Variants in NLRP11 observed in about 807,000 individuals in gnomAD.
NLRP11 encodes the protein NLR family pyrin domain containing 11.
Under a neutral mutation model 79.3 loss-of-function variants are expected in NLRP11, and 53 were observed. The ratio of observed to expected loss-of-function variants is 0.67; its 90% CI spans 0.54 to 0.84. NLRP11 has a LOEUF of 0.84. Among genes scored for constraint, NLRP11 ranks in the 40% least tolerant of loss-of-function variants. The pLI is 0.00. For synonymous variants in NLRP11, 518 were observed against 462.6 expected (o/e 1.12, Z -1.54); for missense variants, 1,264 against 1,255.0 (o/e 1.01, Z -0.11).
rs116537615 is a variant in NLRP11, at chr19:55,815,834, C to G, written c.271+2070G>C. 3.6e-3 allele frequency among the ~76,000 whole-genome samples: 551 copies of G among 152,266 alleles called. 3 individuals are homozygous for G. Among genetic ancestry groups the G allele is most frequent in the African/African-American group, 0.013 (525 of 41,562 alleles). ...AACTAAGGCAATGAAATGAATTATT[C>G]ATCACATCAGGGACAGGGGTATGTG... On this transcript the variant is annotated intron_variant, in intron 2 of 9. Transcript: ENST00000589093.
chr19:55,787,280 C>T (rs1264453240), intron 9 of NLRP11, among the ~76,000 whole-genome samples: 1 of 152,240 alleles, frequency 6.6e-6, no homozygotes, highest in Non-Finnish European at 1.5e-5. Flanking sequence ...TTCTAACAAT[C>T]CTCACCTTGT....
At chr19:55,814,608 A>G (rs1453790832) in intron 2 of NLRP11, among the ~76,000 whole-genome samples, 1 of 152,212 alleles carries the variant, frequency 6.6e-6, no homozygotes, top group Non-Finnish European at 1.5e-5. Flanking sequence ...ATTCTGGAAG[A>G]AAACACTCAA....
intron 5 of NLRP11, among the ~76,000 whole-genome samples, chr19:55,800,887 A>G (rs942332777): frequency 6.6e-5 from 10 of 152,182 alleles, no homozygotes; most frequent in African/African-American, 2.4e-4. Context: ...TACTGTTAAA[A>G]TTAGTTTCAA....
intron 4 of NLRP11, among the ~76,000 whole-genome samples, chr19:55,803,462 G>C (rs905983010): frequency 1.3e-5 from 2 of 152,166 alleles, no homozygotes; most frequent in African/African-American, 4.8e-5. Flanking sequence ...AATGACAAAT[G>C]GGAAGTAATT....
At chr19:55,835,343 T>C (rs147934592), upstream of NLRP11, among the ~76,000 whole-genome samples, 563 of 152,354 alleles carry the variant, frequency 3.7e-3, 3 homozygotes, top group African/African-American at 0.013. Flanking sequence ...AATCTCGACC[T>C]TGCGTCTAAA....
rs73933396 is a variant in NLRP11, at chr19:55,800,729, A to C, written c.2171+843T>G. ...TTTTATGAAATCAATACGGAGGTCAAACATTTCTGATGAAAATGTGCCCGA... is the reference window on the plus strand; with the variant it reads ...TTTTATGAAATCAATACGGAGGTCACACATTTCTGATGAAAATGTGCCCGA... On this transcript the variant is annotated intron_variant, in intron 5 of 9. Coordinates refer to ENST00000589093, the Ensembl canonical transcript of NLRP11. 5.5e-3 allele frequency among the ~76,000 whole-genome samples: 836 copies of C among 152,350 alleles called. 5 individuals carry two copies. The highest frequency in any genetic ancestry group is 0.019 in the African/African-American group (805 of 41,580).
At chr19:55,797,186 C>A (rs1979002233) in intron 5 of NLRP11, among the ~76,000 whole-genome samples, 2 of 152,046 alleles carry the variant, frequency 1.3e-5, no homozygotes, top group Non-Finnish European at 2.9e-5. Context: ...ATAGTCCCAG[C>A]TACTTGGGAG....
chr19:55,809,158 T>C lies in NLRP11; in HGVS notation c.1452A>G (p.Gln484=), dbSNP rs759333340. The stretch of plus-strand genomic sequence containing the variant: ...TAAACACTTGATTAAAGTCAGAGTA[T>C]TGTTCTCTCTTCTCTTTATACTCTC... The change falls in exon 3 of 10, where the codon CAA becomes CAG. Residue 484 remains glutamine, a synonymous_variant. Transcript: ENST00000589093. This position sits in a 1 kb window ranked among gnomAD's most constrained non-coding sequence, Gnocchi z 4.5. 1.2e-5 allele frequency: 19 copies of C among 1,613,754 alleles called. 1 individual carries two copies. The highest frequency in any genetic ancestry group is 8.5e-7 in the Non-Finnish European group (1 of 1,179,862).
exon 2 of NLRP11, chr19:55,818,209 G>T: frequency 6.4e-7 from 1 of 1,568,092 alleles, no homozygotes; most frequent in South Asian, 1.2e-5. Context: ...TTCAGAGAAG[G>T]GATTTTGAGG....
chr19:55,793,180 G>A (rs529709102), intron 6 of NLRP11, among the ~76,000 whole-genome samples: 7 of 152,248 alleles, frequency 4.6e-5, no homozygotes, highest in East Asian at 3.9e-4. Flanking sequence ...ACACCCGGCC[G>A]AATCTCTATT....
At position 55,809,286 on chromosome 19, in the gene NLRP11, G is replaced by C. The variant is rs1443173707; in HGVS notation, c.1324C>G (p.His442Asp). Reference sequence around the variant, plus strand: ...TGTATGAACTTGTAACGGTCTTTATGAGTGTTGCTCGGCAAAAGAATATTC... The same window carrying C: ...TGTATGAACTTGTAACGGTCTTTATCAGTGTTGCTCGGCAAAAGAATATTC... Residue 442 changes from histidine to aspartate, a missense_variant, in exon 3 of 10, where the codon CAT becomes GAT. Transcript: ENST00000589093. The surrounding 1 kb of genome is among the most constrained non-coding windows in gnomAD (Gnocchi z 4.5). 1.9e-6 allele frequency: 3 copies of C among 1,614,004 alleles called. No individual in the cohort carries two copies. The highest frequency in any genetic ancestry group is 2.5e-6 in the Non-Finnish European group (3 of 1,179,924).
intron 1 of NLRP11, among the ~76,000 whole-genome samples, chr19:55,823,714 A>C (rs1290041831): frequency 6.6e-6 from 1 of 150,800 alleles, no homozygotes; most frequent in East Asian, 2.0e-4. Context: ...GTTTAGAGAA[A>C]AACAAATAAA....
chr19:55,786,730 A>G (rs971606077), intron 9 of NLRP11, among the ~76,000 whole-genome samples: 2 of 152,132 alleles, frequency 1.3e-5, no homozygotes, highest in African/African-American at 4.8e-5. Flanking sequence ...TTGAGCACCT[A>G]TAATACTGAA....
chr19:55,819,188 C>G (rs2868048), intron 1 of NLRP11, among the ~76,000 whole-genome samples: 7,816 of 138,772 alleles, frequency 0.056, 289 homozygotes, highest in East Asian at 0.12. Flanking sequence ...CACACACACA[C>G]AGGTTGCCTC....
chr19:55,814,771 C>T (rs1980922922), intron 2 of NLRP11, among the ~76,000 whole-genome samples: 1 of 152,092 alleles, frequency 6.6e-6, no homozygotes. Context: ...GCAGCAACAC[C>T]AGCTTTTCAA....
rs758380308 is a variant in NLRP11, at chr19:55,809,768, C to T, written c.842G>A (p.Arg281His). 1.1e-5 allele frequency: 17 copies of T among 1,614,070 alleles called. No individual in the cohort carries two copies. The South Asian group carries it at 1.2e-4, about 11-fold the overall frequency. The change falls in exon 3 of 10, where the codon CGT (arginine) becomes CAT (histidine). Residue 281 changes from arginine to histidine, a missense_variant. Physicochemically the swap from Arg to His is conservative, Grantham distance 29. Transcript: ENST00000589093. This position sits in a 1 kb window ranked among gnomAD's most constrained non-coding sequence, Gnocchi z 4.5. ...CAAGAACGTTTTTACATTATTCCCACGTGTGGGCCTTGAGGAGATGAGGAA... is the reference window on the plus strand; with the variant it reads ...CAAGAACGTTTTTACATTATTCCCATGTGTGGGCCTTGAGGAGATGAGGAA...
intron 1 of NLRP11, among the ~76,000 whole-genome samples, chr19:55,821,146 G>A (rs907654391): frequency 4.0e-5 from 6 of 149,698 alleles, no homozygotes; most frequent in African/African-American, 1.5e-4. Context: ...ACTGTTTAAT[G>A]CATATTTTGG....
intron 5 of NLRP11, 31 bp from the exon 6 acceptor site, chr19:55,796,281 C>A (rs376342722): frequency 4.0e-5 from 63 of 1,576,424 alleles, no homozygotes; most frequent in Non-Finnish European, 5.4e-5. Flanking sequence ...TGAAAAGAGG[C>A]TCCCGCGTTT....
At position 55,813,364 on chromosome 19, in the gene NLRP11, T is replaced by A. The variant is rs567517209; in HGVS notation, c.272-3026A>T. Among the ~76,000 whole-genome samples, 4 of 152,232 alleles carry A rather than the reference T, an allele frequency of 2.6e-5. No homozygotes were observed. In the East Asian group the frequency reaches 7.7e-4, roughly 29 times the overall value. On this transcript the variant is annotated intron_variant, in intron 2 of 9. Transcript: ENST00000589093. ...GGTCAAGTAGTTTCTTGACCTGTAG[T>A]TTCCTCTACCCTTTAATTACTTGAC... is the stretch of plus-strand genomic sequence containing the variant.
Sources: allele counts gnomAD v4.1 joint callset (sites outside exome capture counted in the v4.1 genomes callset), GRCh38; gene constraint gnomAD v4.1.1; non-coding constraint Gnocchi (gnomAD v3.1); transcripts MANE v1.5; gene names NCBI Gene and HGNC (gene_info 2026-07-23, HGNC 2026-07-21).